The following PTPRD variants were observed in gnomAD, a reference collection of about 807,000 sequenced individuals.
PTPRD encodes receptor-type tyrosine-protein phosphatase delta.
A neutral mutation model predicts 214.5 loss-of-function variants in PTPRD; 34 were observed. The observed-to-expected ratio is 0.16, with a 90% CI of 0.12 to 0.21. The LOEUF (loss-of-function observed/expected upper bound fraction) is 0.21, where lower values mean the gene tolerates loss of function less well. Among genes scored for constraint, PTPRD ranks in the 10% least tolerant of loss-of-function variants. The pLI is 1.00. For missense variants in PTPRD, 2,545 were observed against 2,398.7 expected (o/e 1.06, Z -1.27); for synonymous variants, 1,128 against 845.7 (o/e 1.33, Z -5.79).
At chr9:9,680,882 T>C (rs1463149922) in intron 7 of PTPRD, among the ~76,000 whole-genome samples, 2 of 151,832 alleles carry the variant, frequency 1.3e-5, no homozygotes, top group Admixed American at 1.3e-4. Flanking sequence ...TTCTTACTGT[T>C]ATGAGCATTA....
intron 10 of PTPRD, among the ~76,000 whole-genome samples, chr9:9,050,760 C>T (rs1448691276): frequency 6.6e-6 from 1 of 151,980 alleles, no homozygotes; most frequent in African/African-American, 2.4e-5. Flanking sequence ...TGTTCAAGCA[C>T]TCATTTTATC....
intron 44 of PTPRD, among the ~76,000 whole-genome samples, chr9:8,326,046 T>C (rs530325416): frequency 7.2e-5 from 11 of 152,332 alleles, no homozygotes; most frequent in South Asian, 2.1e-4. Context: ...CTTTTTCTAA[T>C]TGAATAACAT....
chr9:9,398,357 C>G (rs1351611001), intron 8 of PTPRD, among the ~76,000 whole-genome samples: 1 of 151,928 alleles, frequency 6.6e-6, no homozygotes, highest in African/African-American at 2.4e-5. Context: ...TGCCTTAACC[C>G]TGTTCATTGT....
intron 3 of PTPRD, among the ~76,000 whole-genome samples, chr9:10,094,290 T>C (rs534040498): frequency 3.8e-4 from 58 of 151,350 alleles, no homozygotes; most frequent in African/African-American, 1.3e-3. Flanking sequence ...TTATGATGGC[T>C]TTAATGTAAA....
At chr9:8,551,979 G>C (rs1393552689) in intron 14 of PTPRD, among the ~76,000 whole-genome samples, 1 of 152,132 alleles carries the variant, frequency 6.6e-6, no homozygotes, top group East Asian at 1.9e-4. Flanking sequence ...AACTTTTCTG[G>C]CTGTACTTCA....
chr9:8,453,921 T>C (rs1327671650), intron 33 of PTPRD, among the ~76,000 whole-genome samples: 1 of 152,188 alleles, frequency 6.6e-6, no homozygotes, highest in Non-Finnish European at 1.5e-5. Flanking sequence ...TTTTTTGTAG[T>C]TTAATTTTAA....
At chr9:10,003,553 C>A (rs1227080564) in intron 4 of PTPRD, among the ~76,000 whole-genome samples, 1 of 151,498 alleles carries the variant, frequency 6.6e-6, no homozygotes, top group African/African-American at 2.4e-5. Flanking sequence ...AGAGAAAGTG[C>A]TATTATTAAA....
At chr9:8,836,949 C>A (rs1191960532) in intron 11 of PTPRD, among the ~76,000 whole-genome samples, 1 of 151,610 alleles carries the variant, frequency 6.6e-6, no homozygotes, top group African/African-American at 2.4e-5. Flanking sequence ...CCCCCAATAC[C>A]TACCATTAAT....
chr9:9,102,151 T>C (rs2099792253), intron 10 of PTPRD, among the ~76,000 whole-genome samples: 2 of 152,202 alleles, frequency 1.3e-5, no homozygotes, highest in Non-Finnish European at 2.9e-5. Flanking sequence ...AGCCAGAGAT[T>C]TTATTTCATA....
intron 35 of PTPRD, among the ~76,000 whole-genome samples, chr9:8,418,919 T>A (rs1206696469): frequency 6.6e-6 from 1 of 152,044 alleles, no homozygotes; most frequent in African/African-American, 2.4e-5. Flanking sequence ...AATATACCCA[T>A]GCTAGGAGAT....
At chr9:9,498,221 G>T (rs971799273) in intron 8 of PTPRD, among the ~76,000 whole-genome samples, 2 of 152,086 alleles carry the variant, frequency 1.3e-5, no homozygotes, top group Non-Finnish European at 2.9e-5. Context: ...CTCTTTGAGT[G>T]GCATTCTGCA....
chr9:10,326,651 T>C (rs532183436), intron 3 of PTPRD, among the ~76,000 whole-genome samples: 1 of 151,698 alleles, frequency 6.6e-6, no homozygotes, highest in African/African-American at 2.4e-5. Context: ...AATTATTGCT[T>C]TTACATTTTT....
chr9:10,134,562 A>C (rs573730364), intron 3 of PTPRD, among the ~76,000 whole-genome samples: 10 of 152,146 alleles, frequency 6.6e-5, no homozygotes, highest in Admixed American at 3.9e-4. Context: ...AGCACGCTTC[A>C]TCTGTGAAAT....
At chr9:9,295,403 C>T (rs1410656378) in intron 9 of PTPRD, among the ~76,000 whole-genome samples, 2 of 151,596 alleles carry the variant, frequency 1.3e-5, no homozygotes, top group African/African-American at 2.4e-5. Context: ...ACAGTTCTGT[C>T]ACAAAAATAT....
At chr9:9,170,564 G>A (rs2099912510) in intron 10 of PTPRD, among the ~76,000 whole-genome samples, 1 of 152,110 alleles carries the variant, frequency 6.6e-6, no homozygotes, top group South Asian at 2.1e-4. Context: ...TTCCAGTTGT[G>A]AATTATATTA....
intron 2 of PTPRD, among the ~76,000 whole-genome samples, chr9:10,604,283 G>C (rs955682558): frequency 2.0e-5 from 3 of 151,738 alleles, no homozygotes; most frequent in African/African-American, 7.3e-5. Context: ...TCTTAAAATA[G>C]CTATCTATAT....
chr9:9,947,083 T>C (rs1021331950), intron 4 of PTPRD, among the ~76,000 whole-genome samples: 2 of 150,582 alleles, frequency 1.3e-5, no homozygotes, highest in African/African-American at 2.4e-5. Context: ...AAATGATCTT[T>C]TTATAAAAAA....
rs1276763346 is a variant in PTPRD at position 10,400,309 on chromosome 9, AT to A, written c.-599-59293del. On this transcript the variant is annotated intron_variant, in intron 2 of 45. Coordinates refer to ENST00000381196, the MANE Select transcript of PTPRD (RefSeq NM_002839.4). ...AGAAAGTCTTCAATAAATGGGGTTAATTATTAATGTGGTTATTATATTATTA... is the reference window on the plus strand; with the variant it reads ...AGAAAGTCTTCAATAAATGGGGTTAATATTAATGTGGTTATTATATTATTA... 3.3e-5 allele frequency among the ~76,000 whole-genome samples: 5 copies of A among 151,946 alleles called. No homozygotes were observed. The East Asian group carries it at 9.7e-4, about 30-fold the overall frequency.
intron 3 of PTPRD, among the ~76,000 whole-genome samples, chr9:10,173,126 G>A (rs2099221466): frequency 6.6e-6 from 1 of 152,134 alleles, no homozygotes; most frequent in African/African-American, 2.4e-5. Context: ...TATGATTACA[G>A]ATGGCAGAAT....
Sources: allele counts gnomAD v4.1 joint callset (sites outside exome capture counted in the v4.1 genomes callset), GRCh38; gene constraint gnomAD v4.1.1; transcripts MANE v1.5; gene names NCBI Gene and HGNC (gene_info 2026-07-23, HGNC 2026-07-21).